DNMT3A: variants seen among roughly 807,000 people sequenced by gnomAD.
DNMT3A encodes the protein DNA methyltransferase 3 alpha, also known as DNA (cytosine-5)-methyltransferase 3A.
Under a neutral mutation model 117.6 loss-of-function variants are expected in DNMT3A, and 267 were observed. The ratio of observed to expected loss-of-function variants is 2.27; its 90% CI spans 2.05 to 2.51. The LOEUF (loss-of-function observed/expected upper bound fraction) is 2.51. DNMT3A is among the 30% of genes most tolerant of loss of function. The pLI is 0.00. For missense variants in DNMT3A, 1,029 were observed against 1,260.2 expected (o/e 0.82, Z 2.78); for synonymous variants, 432 against 474.8 (o/e 0.91, Z 1.17).
At chr2:25,250,989 C>A (rs1205306517) in intron 6 of DNMT3A, among the ~76,000 whole-genome samples, 1 of 152,174 alleles carries the variant, frequency 6.6e-6, no homozygotes, top group Non-Finnish European at 1.5e-5. Context: ...CCTGAACATT[C>A]TTCTTCCCCC....
Position 25,244,177 on chromosome 2 carries a change from G to C in DNMT3A, c.1829C>G (p.Ala610Gly), listed in dbSNP as rs930025818. ...DWPSRLQMFF[A>G]NNHDQEFDPP... ...CACAAATTCCTGGTCGTGGTTATTA[G>C]CGAAGAACATCTGGAGCCGGGAGGG... is the stretch of plus-strand genomic sequence containing the variant. Residue 610 changes from alanine to glycine, a missense_variant, in exon 15 of 23, where the codon GCT (alanine) becomes GGT (glycine). Ala to Gly is a moderately conservative substitution (Grantham distance 60). Coordinates refer to ENST00000321117, the MANE Select transcript of DNMT3A (RefSeq NM_022552.5). 6.2e-7 allele frequency: 1 copy of C among 1,613,834 alleles called. No homozygotes were observed. Among genetic ancestry groups the C allele is most frequent in the African/African-American group, 1.3e-5 (1 of 74,934 alleles).
rs753048426 is a variant in DNMT3A, at chr2:25,234,425, G to A, written c.2598-5C>T. ...TGGACTGGGAAACCAAATACCCTGG[G>A]GGAGAAAAGGCAGAGAGGGCAGGGT... On this transcript the variant is annotated splice_polypyrimidine_tract_variant and splice_region_variant and intron_variant, in intron 22 of 22. Transcript: ENST00000321117. The surrounding 1 kb of genome is among the most constrained non-coding windows in gnomAD (Gnocchi z 4.5). 3.7e-6 allele frequency: 6 copies of A among 1,611,652 alleles called. No homozygotes were observed. Among genetic ancestry groups the A allele is most frequent in the Non-Finnish European group, 5.1e-6 (6 of 1,178,602 alleles).
In DNMT3A at chr2:25,240,731, C is replaced by A; in HGVS notation, c.2083-1G>T. The A allele has an allele frequency of 1.9e-6, 3 of 1,614,118 alleles. No homozygotes were observed. Among genetic ancestry groups the A allele is most frequent in the Middle Eastern group, 1.6e-4 (1 of 6,062 alleles). On this transcript the variant is annotated splice_acceptor_variant, in intron 17 of 22. Transcript: ENST00000321117. LOFTEE classifies it high-confidence loss of function. ...GATCGAATGGGCCCCACTCCTGGAT[C>A]TGGGAGGATAAAGGCAACGTGATGG...
At chr2:25,261,089 T>G (rs10167567) in intron 6 of DNMT3A, among the ~76,000 whole-genome samples, 72,342 of 151,688 alleles carry the variant, frequency 0.48, 17,573 homozygotes, top group Admixed American at 0.57. Flanking sequence ...AGGTCAGGAG[T>G]TCGAGACCAG....
rs545840767 is a variant in DNMT3A, at chr2:25,251,072, C to T, written c.640-2820G>A. 3.0e-3 allele frequency among the ~76,000 whole-genome samples: 450 copies of T among 151,612 alleles called. 3 individuals carry two copies. The highest frequency in any genetic ancestry group is 0.01 in the African/African-American group (431 of 41,304). ...TCCCCAGCCCACTTGGTGCAGAACA[C>T]GCACCCGGCCCGGTAAGGGCTGGCG... On this transcript the variant is annotated intron_variant, in intron 6 of 22. Transcript: ENST00000321117.
At chr2:25,310,703 G>C (rs2034065754) in intron 2 of DNMT3A, among the ~76,000 whole-genome samples, 1 of 152,192 alleles carries the variant, frequency 6.6e-6, no homozygotes. Context: ...AGGTCCGGGG[G>C]ATTCACATGG....
At chr2:25,292,850 G>C (rs574264033) in intron 3 of DNMT3A, among the ~76,000 whole-genome samples, 6 of 152,092 alleles carry the variant, frequency 3.9e-5, no homozygotes, top group Non-Finnish European at 8.8e-5. Flanking sequence ...GTGCCGGCGC[G>C]TACCTGCAAC....
At position 25,334,802 on chromosome 2, in the gene DNMT3A, T is replaced by C. The variant is rs1245361592; in HGVS notation, c.-178+7024A>G. Among the ~76,000 whole-genome samples the C allele has an allele frequency of 2.0e-5, 3 of 152,228 alleles. No homozygotes were observed. The South Asian group carries it at 6.2e-4, about 31-fold the overall frequency. On this transcript the variant is annotated intron_variant, in intron 1 of 22. Coordinates refer to ENST00000321117, the MANE Select transcript of DNMT3A (RefSeq NM_022552.5). The stretch of plus-strand genomic sequence containing the variant: ...GAAAAGACACGTACCTGAGTAAGCT[T>C]ACCCCTTGCTGTCAGTCTCTAAACC...
intron 3 of DNMT3A, among the ~76,000 whole-genome samples, chr2:25,291,673 C>G (rs1209468145): frequency 6.6e-6 from 1 of 152,242 alleles, no homozygotes; most frequent in East Asian, 1.9e-4. Flanking sequence ...CTTACCACAT[C>G]TGCTGGGAGC....
In DNMT3A at chr2:25,287,734, C is replaced by T. The variant is rs955313297; in HGVS notation, c.178-5023G>A. Among the ~76,000 whole-genome samples, 7 of 151,122 alleles carry T rather than the reference C, an allele frequency of 4.6e-5. 1 individual carries two copies. The highest frequency in any genetic ancestry group is 7.3e-5 in the African/African-American group (3 of 41,174). On this transcript the variant is annotated intron_variant, in intron 3 of 22. Transcript: ENST00000321117. ...CACCCCACCAGACAGAGGACACCCC[C>T]GCCCCCAACAGAGATTTAGTCCAGA...
chr2:25,334,204 A>G (rs2035122597), intron 1 of DNMT3A, among the ~76,000 whole-genome samples: 1 of 152,164 alleles, frequency 6.6e-6, no homozygotes, highest in African/African-American at 2.4e-5. Flanking sequence ...GAGGGTGGTA[A>G]GTGCTGTTGC....
chr2:25,253,634 C>T (rs1407292832), intron 6 of DNMT3A, among the ~76,000 whole-genome samples: 1 of 152,172 alleles, frequency 6.6e-6, no homozygotes, highest in African/African-American at 2.4e-5. Context: ...GGAAGAATAA[C>T]CGCAGGTTTT....
chr2:25,299,189 A>C lies in DNMT3A; in HGVS notation c.177+950T>G, dbSNP rs887845533. ...AATGACTGCTCCACATCTGAGTTTA[A>C]GACATAAACCAGTTAGGCTCCTACA... is the stretch of plus-strand genomic sequence containing the variant. On this transcript the variant is annotated intron_variant, in intron 3 of 22. Coordinates refer to ENST00000321117, the MANE Select transcript of DNMT3A (RefSeq NM_022552.5). Among the ~76,000 whole-genome samples, 4 of 152,192 alleles carry C rather than the reference A, an allele frequency of 2.6e-5. 1 individual carries two copies. The highest frequency in any genetic ancestry group is 9.7e-5 in the African/African-American group (4 of 41,446).
At chr2:25,251,850 C>A in intron 6 of DNMT3A, 1 of 384,610 alleles carries the variant, frequency 2.6e-6, no homozygotes, top group Non-Finnish European at 4.7e-6. Context: ...GCCAGCTCAG[C>A]TGAAGCTGCC....
intron 3 of DNMT3A, among the ~76,000 whole-genome samples, chr2:25,288,471 C>T (rs946157438): frequency 2.6e-5 from 4 of 151,912 alleles, no homozygotes; most frequent in African/African-American, 9.7e-5. Context: ...GCCACCATGC[C>T]TGGCTAACTT....
chr2:25,251,411 T>C (rs934779), intron 6 of DNMT3A, among the ~76,000 whole-genome samples: 152,064 of 152,262 alleles, frequency 1, 75,933 homozygotes, highest in Middle Eastern at 1. Flanking sequence ...GACACCACAC[T>C]ATTCCCCACT....
At chr2:25,330,127 T>C (rs746889616) in intron 1 of DNMT3A, among the ~76,000 whole-genome samples, 6 of 152,226 alleles carry the variant, frequency 3.9e-5, no homozygotes, top group Non-Finnish European at 7.3e-5. Context: ...ACAAAAACAT[T>C]TATGTGAACT....
chr2:25,316,072 T>C (rs2034367354), intron 1 of DNMT3A, among the ~76,000 whole-genome samples: 1 of 152,092 alleles, frequency 6.6e-6, no homozygotes, highest in African/African-American at 2.4e-5. Flanking sequence ...AGGAAGCTGT[T>C]GCGGCCCCAC....
Position 25,252,899 on chromosome 2 carries a change from G to A in DNMT3A, c.640-4647C>T, listed in dbSNP as rs1675766674. ...CGCTCCAGATCGGGGATTGTTTGGGGGGTCTCCCGCCTCCACACTACAGGT... is the reference window on the plus strand; with the variant it reads ...CGCTCCAGATCGGGGATTGTTTGGGAGGTCTCCCGCCTCCACACTACAGGT... On this transcript the variant is annotated intron_variant, in intron 6 of 22. Coordinates refer to ENST00000321117, the MANE Select transcript of DNMT3A (RefSeq NM_022552.5). The surrounding 1 kb of genome is among the most constrained non-coding windows in gnomAD (Gnocchi z 5.5). 6.6e-6 allele frequency among the ~76,000 whole-genome samples: 1 copy of A among 152,166 alleles called. No homozygotes were observed. Among genetic ancestry groups the A allele is most frequent in the Non-Finnish European group, 1.5e-5 (1 of 68,020 alleles).
Sources: allele counts gnomAD v4.1 joint callset (sites outside exome capture counted in the v4.1 genomes callset), GRCh38; gene constraint gnomAD v4.1.1; non-coding constraint Gnocchi (gnomAD v3.1); transcripts MANE v1.5; gene names NCBI Gene and HGNC (gene_info 2026-07-23, HGNC 2026-07-21).